The following CPEB3 variants were observed in gnomAD, a reference collection of about 807,000 sequenced individuals.
CPEB3 encodes cytoplasmic polyadenylation element-binding protein 3.
A neutral mutation model predicts 67.2 loss-of-function variants in CPEB3; 20 were observed. That is an observed-to-expected ratio of 0.30 (90% CI 0.21 to 0.43). The LOEUF is 0.43. CPEB3 is among the 20% of genes least tolerant of loss of function. CPEB3 has a pLI of 1.00. For missense variants in CPEB3, 746 were observed against 968.6 expected, an observed-to-expected ratio of 0.77 and a Z score of 3.05; for synonymous variants, 376 against 393.1, an observed-to-expected ratio of 0.96 and a Z score of 0.51.
chr10:92,239,269 TG>T lies in CPEB3; in HGVS notation c.1005+76del. The T allele has an allele frequency of 2.0e-6, 3 of 1,466,334 alleles. No individual in the cohort carries two copies. The highest frequency in any genetic ancestry group is 2.8e-6 in the Non-Finnish European group (3 of 1,076,586). 90.8% of individuals were successfully genotyped at this position (1,466,334 alleles called of 1,614,324 possible). Reference sequence around the variant, plus strand: ...GCTGCCCTTTTTAAATATAAGCGGGTGGATGATTAAAAGTCAGAGAAGTGGC... The same window carrying T: ...GCTGCCCTTTTTAAATATAAGCGGGTGATGATTAAAAGTCAGAGAAGTGGC... On this transcript the variant is annotated intron_variant, in intron 2 of 9. Coordinates refer to ENST00000265997, the MANE Select transcript of CPEB3 (RefSeq NM_014912.5). This position sits in a 1 kb window ranked among gnomAD's most constrained non-coding sequence, Gnocchi z 6.0.
chr10:92,170,715 G>C (rs1564835414), intron 4 of CPEB3, among the ~76,000 whole-genome samples: 1 of 152,132 alleles, frequency 6.6e-6, no homozygotes. Flanking sequence ...AGGAGGAAGA[G>C]AGAGAAAGAA....
intron 7 of CPEB3, among the ~76,000 whole-genome samples, chr10:92,092,756 G>A (rs1205804477): frequency 6.6e-6 from 1 of 151,920 alleles, no homozygotes; most frequent in East Asian, 1.9e-4. Flanking sequence ...CTGCAGCCTG[G>A]TGACAGAGCA....
chr10:92,112,059 G>A (rs1352206565), intron 6 of CPEB3, among the ~76,000 whole-genome samples: 1 of 151,120 alleles, frequency 6.6e-6, no homozygotes, highest in Non-Finnish European at 1.5e-5. Context: ...AAGATTTACC[G>A]AGTAACTGAT....
rs1007042527 is a variant in CPEB3, at chr10:92,289,263, C to T, written c.-12+1663G>A. Among the ~76,000 whole-genome samples, 7 of 151,794 alleles carry T rather than the reference C, an allele frequency of 4.6e-5. No homozygotes were observed. The East Asian group carries it at 1.4e-3, about 30-fold the overall frequency. ...TCTCAAAAAAATAAAATAGACCAGG[C>T]GCGGTGGCTCGCCCCTGTAATCCCA... is the stretch of plus-strand genomic sequence containing the variant. On this transcript the variant is annotated intron_variant, in intron 1 of 9. Coordinates refer to ENST00000265997, the MANE Select transcript of CPEB3 (RefSeq NM_014912.5).
At chr10:92,223,879 G>T (rs11186861) in intron 2 of CPEB3, among the ~76,000 whole-genome samples, 1 of 151,848 alleles carries the variant, frequency 6.6e-6, no homozygotes, top group Non-Finnish European at 1.5e-5. Flanking sequence ...CTCCTGAGTA[G>T]CTGGGATTAC....
chr10:92,227,589 A>C (rs866486071), intron 2 of CPEB3, among the ~76,000 whole-genome samples: 30 of 148,212 alleles, frequency 2.0e-4, no homozygotes, highest in Admixed American at 1.1e-3. Flanking sequence ...TACTTATTTT[A>C]TTTTTTTCTT....
intron 1 of CPEB3, among the ~76,000 whole-genome samples, chr10:92,248,603 T>C (rs1852164801): frequency 6.6e-6 from 1 of 152,176 alleles, no homozygotes; most frequent in Non-Finnish European, 1.5e-5. Flanking sequence ...CAGGTTCAAG[T>C]TAAGTATTAA....
rs1218617512 is a variant in CPEB3, at chr10:92,050,462, T to C, written c.*1750A>G. On this transcript the variant is annotated 3_prime_UTR_variant, in exon 10 of 10. Coordinates refer to ENST00000265997, the MANE Select transcript of CPEB3 (RefSeq NM_014912.5). ...ATATCCAGTCAGATTGTCCCCAGAA[T>C]TCCAAAACATAGGAAGAAGATTAAA... 2.0e-5 allele frequency: 3 copies of C among 152,620 alleles called. No individual in the cohort carries two copies. The highest frequency in any genetic ancestry group is 4.8e-5 in the African/African-American group (2 of 41,434). 9.5% of individuals were successfully genotyped at this position (152,620 alleles called of 1,614,324 possible).
At chr10:92,145,854 T>C (rs1236223863) in intron 4 of CPEB3, among the ~76,000 whole-genome samples, 3 of 152,010 alleles carry the variant, frequency 2.0e-5, no homozygotes, top group Non-Finnish European at 4.4e-5. Context: ...TTCTAAAGAG[T>C]GGTCCTGATA....
chr10:92,288,433 T>A (rs772253893), intron 1 of CPEB3, among the ~76,000 whole-genome samples: 2 of 140,444 alleles, frequency 1.4e-5, no homozygotes, highest in Non-Finnish European at 3.0e-5. Flanking sequence ...CCAGCCTGGA[T>A]GACAAAGCGA....
At chr10:92,191,455 T>G (rs1260617918) in intron 3 of CPEB3, among the ~76,000 whole-genome samples, 1 of 152,104 alleles carries the variant, frequency 6.6e-6, no homozygotes, top group Non-Finnish European at 1.5e-5. Context: ...CTTCTTTTCT[T>G]TATAACCTAT....
rs1007197474 is a variant in CPEB3 at position 92,050,212 on chromosome 10, A to G, written c.*2000T>C. ...ACCACACCTGGGCTGGAAAAAAGCA[A>G]TTATTACCAAAAAGCCTCAAAAAGG... On this transcript the variant is annotated 3_prime_UTR_variant, in exon 10 of 10. Transcript: ENST00000265997. 6 of 152,566 alleles carry G rather than the reference A, an allele frequency of 3.9e-5. No individual in the cohort carries two copies. Among genetic ancestry groups the G allele is most frequent in the Admixed American group, 6.5e-5 (1 of 15,276 alleles). 9.5% of individuals were successfully genotyped at this position (152,566 alleles called of 1,614,324 possible). A position where few individuals can be genotyped will look rare whatever the true frequency, so the allele number is the denominator to read the frequency against.
At chr10:92,206,918 G>C (rs1849819480) in intron 2 of CPEB3, among the ~76,000 whole-genome samples, 1 of 152,076 alleles carries the variant, frequency 6.6e-6, no homozygotes, top group African/African-American at 2.4e-5. Flanking sequence ...TCATGTTTTT[G>C]CTTTCCTTTG....
At chr10:92,234,874 G>A (rs775790603) in intron 2 of CPEB3, among the ~76,000 whole-genome samples, 5 of 151,794 alleles carry the variant, frequency 3.3e-5, no homozygotes, top group Non-Finnish European at 5.9e-5. Context: ...GCAGTGAGCC[G>A]AGATCACGCC....
intron 2 of CPEB3, 82 bp from the exon 3 acceptor site, chr10:92,192,718 T>C (rs1849040282): frequency 9.5e-7 from 1 of 1,054,946 alleles, no homozygotes; most frequent in East Asian, 2.7e-5. Context: ...CTGCTGTGGA[T>C]TGATGACATG....
At chr10:92,185,171 C>T (rs1223699827) in intron 3 of CPEB3, among the ~76,000 whole-genome samples, 2 of 152,174 alleles carry the variant, frequency 1.3e-5, no homozygotes, top group East Asian at 3.8e-4. Context: ...GTGTTGCCAG[C>T]GTGACATTTC....
chr10:92,105,143 G>T (rs547147340), intron 7 of CPEB3, among the ~76,000 whole-genome samples: 4 of 152,142 alleles, frequency 2.6e-5, no homozygotes, highest in Middle Eastern at 3.2e-3. Flanking sequence ...TTTCCGAGGT[G>T]GGATATGACA....
At chr10:92,061,947 T>C (rs1040776917) in intron 9 of CPEB3, among the ~76,000 whole-genome samples, 22 of 152,176 alleles carry the variant, frequency 1.4e-4, no homozygotes, top group Non-Finnish European at 2.9e-4. Context: ...ACACCCACTA[T>C]GTATAAAAAT....
chr10:92,161,281 T>A (rs1847462330), intron 4 of CPEB3, among the ~76,000 whole-genome samples: 2 of 151,822 alleles, frequency 1.3e-5, no homozygotes, highest in Non-Finnish European at 2.9e-5. Context: ...TTGGTTTGGC[T>A]TTTTTTTGAG....
Sources: allele counts gnomAD v4.1 joint callset (sites outside exome capture counted in the v4.1 genomes callset), GRCh38; gene constraint gnomAD v4.1.1; non-coding constraint Gnocchi (gnomAD v3.1); transcripts MANE v1.5; gene names NCBI Gene and HGNC (gene_info 2026-07-23, HGNC 2026-07-21).